The following PHYKPL variants were observed in gnomAD, a reference collection of about 807,000 sequenced individuals.
The protein encoded by PHYKPL is 5-phosphohydroxy-L-lysine phospho-lyase.
Under a neutral mutation model 51.3 loss-of-function variants are expected in PHYKPL, and 42 were observed. The ratio of observed to expected loss-of-function variants is 0.82; its 90% CI spans 0.64 to 1.06. PHYKPL has a LOEUF of 1.06. Among genes scored for constraint, PHYKPL ranks in the 50% least tolerant of loss-of-function variants. PHYKPL has a pLI of 0.00. For synonymous variants in PHYKPL, 264 were observed against 236.0 expected (o/e 1.12, Z -1.09); for missense variants, 655 against 586.6 (o/e 1.12, Z -1.20).
chr5:178,217,235 T>C (rs1361370116), intron 8 of PHYKPL, among the ~76,000 whole-genome samples: 2 of 151,764 alleles, frequency 1.3e-5, no homozygotes, highest in Admixed American at 6.6e-5. Flanking sequence ...GATTTTTTTT[T>C]TTTTTTTGAG....
chr5:178,214,770 A>G (rs775098309), intron 10 of PHYKPL, 26 bp downstream of exon 10: 10 of 1,610,828 alleles, frequency 6.2e-6, no homozygotes, highest in Non-Finnish European at 4.2e-6. Context: ...TACTCCAGGA[A>G]GCAACTTGTT....
intron 7 of PHYKPL, 132 bp downstream of exon 7, chr5:178,222,720 C>T: frequency 7.4e-7 from 1 of 1,343,852 alleles, no homozygotes; most frequent in Non-Finnish European, 1.0e-6. Context: ...TTCTCTGGGC[C>T]ATTCTTTCTT....
rs1757238343 is a variant in PHYKPL, at chr5:178,208,593, A to G, written c.*354T>C. 6.6e-6 allele frequency: 1 copy of G among 152,234 alleles called. No individual in the cohort carries two copies. Among genetic ancestry groups the G allele is most frequent in the Non-Finnish European group, 1.5e-5 (1 of 68,046 alleles). The allele number at this position is 152,234 out of a possible 1,614,324, so 9.4% of individuals were successfully genotyped here. On this transcript the variant is annotated 3_prime_UTR_variant, in exon 13 of 13. Coordinates refer to ENST00000308158, the MANE Select transcript of PHYKPL (RefSeq NM_153373.4). ...AAAAGTATGACTGGGACACTGTAAA[A>G]TGTACTATTTTTAATGGGTGTGCAT...
intron 8 of PHYKPL, among the ~76,000 whole-genome samples, chr5:178,222,147 C>T (rs1761289328): frequency 6.6e-6 from 1 of 152,200 alleles, no homozygotes; most frequent in Non-Finnish European, 1.5e-5. Context: ...GACATGGTCC[C>T]TTGTGACAGC....
At chr5:178,210,434 A>G (rs2113629644) in intron 12 of PHYKPL, 1 of 1,511,344 alleles carries the variant, frequency 6.6e-7, no homozygotes, top group Non-Finnish European at 9.1e-7. Flanking sequence ...TCTTAATAAC[A>G]TGAGGAAGGC....
chr5:178,209,570 C>T (rs2913752), intron 12 of PHYKPL: 106,921 of 790,262 alleles, frequency 0.14, 7,963 homozygotes, highest in Middle Eastern at 0.23. Context: ...AGGTTGGGGA[C>T]GAACAGGAAT....
rs935821528 is a variant in PHYKPL, at chr5:178,214,840, G to A, written c.1128C>T (p.Ala376=). 8.7e-6 allele frequency: 14 copies of A among 1,613,738 alleles called. No homozygotes were observed. Among genetic ancestry groups the A allele is most frequent in the Non-Finnish European group, 1.2e-5 (14 of 1,180,004 alleles). ...FIGVDLIKDE[A]TRTPATEEAA... ...CCTCTTCAGTTGCTGGTGTCCTTGTGGCCTCATCTTTGATCAGATCCACAC... is the reference window on the plus strand; with the variant it reads ...CCTCTTCAGTTGCTGGTGTCCTTGTAGCCTCATCTTTGATCAGATCCACAC... The change falls in exon 10 of 13, where the codon GCC becomes GCT. Residue 376 remains alanine, a synonymous_variant. Coordinates refer to ENST00000308158, the MANE Select transcript of PHYKPL (RefSeq NM_153373.4).
rs767374045 is a variant in PHYKPL, at chr5:178,212,998, C to T, written c.1278G>A (p.Val426=). ...CFSLDNARQV[V]AKLDAILTDM... The stretch of plus-strand genomic sequence containing the variant: ...CAGTCAGAATGGCATCCAGCTTTGC[C>T]ACCACCTGCCGTGCATTGTCCAGGC... Residue 426 remains valine, a synonymous_variant, in exon 11 of 13, where the codon GTG becomes GTA. Transcript: ENST00000308158. 23 of 1,614,038 alleles carry T rather than the reference C, an allele frequency of 1.4e-5. No homozygotes were observed. The African/African-American group carries it at 2.8e-4, about 20-fold the overall frequency.
intron 11 of PHYKPL, 118 bp from the exon 12 acceptor site, chr5:178,212,088 A>C: frequency 1.3e-5 from 14 of 1,042,396 alleles, no homozygotes; most frequent in Non-Finnish European, 1.7e-5. Context: ...GGCTATCCAC[A>C]CCCATGTCCC....
At chr5:178,210,016 G>A (rs1164316416) in intron 12 of PHYKPL, 2 of 1,444,076 alleles carry the variant, frequency 1.4e-6, no homozygotes, top group Non-Finnish European at 1.9e-6. Context: ...CAGCCCCTTG[G>A]CTTCTGCCTG....
In PHYKPL at chr5:178,211,629, G is replaced by C. The variant is rs563112649; in HGVS notation, c.*31+261C>G. ...TGGTATTTAGGGCATAAGACTAGGT[G>C]GTTACAAGAGGCAAGGGTGGGTTGG... On this transcript the variant is annotated intron_variant, in intron 12 of 12. Coordinates refer to ENST00000308158, the MANE Select transcript of PHYKPL (RefSeq NM_153373.4). The C allele has an allele frequency of 1.2e-4, 51 of 437,940 alleles. No homozygotes were observed. The South Asian group carries it at 1.3e-3, about 11-fold the overall frequency. The allele number at this position is 437,940 out of a possible 1,614,324, so 27.1% of individuals were successfully genotyped here.
chr5:178,207,298 T>C, downstream of PHYKPL: 1 of 1,562,774 alleles, frequency 6.4e-7, no homozygotes, highest in South Asian at 1.2e-5. Flanking sequence ...GGGTTAGGGG[T>C]TGGGCCTCAT....
intron 12 of PHYKPL, among the ~76,000 whole-genome samples, chr5:178,209,923 A>T (rs1246893418): frequency 3.3e-5 from 5 of 152,094 alleles, no homozygotes; most frequent in Non-Finnish European, 5.9e-5. Flanking sequence ...TGCCCCAAGT[A>T]AAGTTAGCAT....
downstream of PHYKPL, among the ~76,000 whole-genome samples, chr5:178,207,537 T>C (rs1238253709): frequency 3.9e-5 from 6 of 152,096 alleles, no homozygotes; most frequent in Admixed American, 3.9e-4. Flanking sequence ...GATTCTTGAG[T>C]CCAGGGGTAT....
chr5:178,214,598 C>T (rs549328479), intron 10 of PHYKPL, among the ~76,000 whole-genome samples, 198 bp downstream of exon 10: 2 of 152,230 alleles, frequency 1.3e-5, no homozygotes, highest in South Asian at 4.1e-4. Flanking sequence ...CTGCTAACAC[C>T]ACTTATCTCT....
intron 3 of PHYKPL, chr5:178,228,127 G>C: frequency 5.1e-6 from 1 of 195,504 alleles, no homozygotes; most frequent in Non-Finnish European, 1.1e-5. Flanking sequence ...GACATGTCTG[G>C]GCTCAAAAAA....
In PHYKPL at chr5:178,231,435, A is replaced by T. The variant is rs531527377; in HGVS notation, c.148T>A (p.Tyr50Asn). The change falls in exon 2 of 13, where the codon TAC becomes AAC. Residue 50 changes from tyrosine to asparagine, a missense_variant. Coordinates refer to ENST00000308158, the MANE Select transcript of PHYKPL (RefSeq NM_153373.4). Reference protein sequence around the residue: ...QYMYDEQGAEYIDCISNVAHV... With the variant: ...QYMYDEQGAENIDCISNVAHV... ...GCCACATTGCTGATGCAATCGATGT[A>T]TTCTGCCCCCTGTTCATCGTACATG... 6.2e-7 allele frequency: 1 copy of T among 1,614,188 alleles called. No individual in the cohort carries two copies. Among genetic ancestry groups the T allele is most frequent in the African/African-American group, 1.3e-5 (1 of 75,052 alleles).
rs1383029713 is a variant in PHYKPL, at chr5:178,224,464, T to C, written c.602A>G (p.Gln201Arg). 3.8e-6 allele frequency: 6 copies of C among 1,593,122 alleles called. No homozygotes were observed. The African/African-American group carries it at 6.7e-5, about 18-fold the overall frequency. Residue 201 changes from glutamine to arginine, a missense_variant, in exon 6 of 13, where the codon CAG becomes CGG. Coordinates refer to ENST00000308158, the MANE Select transcript of PHYKPL (RefSeq NM_153373.4). The stretch of plus-strand genomic sequence containing the variant: ...CACGGTTACCTTCCTGCCCTTCTCC[T>C]GTGCACTGCTGACCACACGTTTCAC... ...NEVKRVVSSAQEKGRKIAAFF... is the reference protein window; with the variant it reads ...NEVKRVVSSAREKGRKIAAFF...
chr5:178,222,091 T>C (rs1303164292), intron 8 of PHYKPL, among the ~76,000 whole-genome samples: 4 of 152,262 alleles, frequency 2.6e-5, no homozygotes, highest in Non-Finnish European at 4.4e-5. Flanking sequence ...GGGTGGCATC[T>C]GCTGAAAGGA....
Sources: allele counts gnomAD v4.1 joint callset (sites outside exome capture counted in the v4.1 genomes callset), GRCh38; gene constraint gnomAD v4.1.1; transcripts MANE v1.5; gene names NCBI Gene and HGNC (gene_info 2026-07-23, HGNC 2026-07-21).